RRP1B: variants seen among roughly 807,000 people sequenced by gnomAD.
The protein encoded by RRP1B is ribosomal RNA processing protein 1 homolog B.
A neutral mutation model predicts 80.2 loss-of-function variants in RRP1B; 56 were observed. The ratio of observed to expected loss-of-function variants is 0.70; its 90% CI spans 0.56 to 0.87. The LOEUF (loss-of-function observed/expected upper bound fraction) is 0.87, where lower values mean the gene tolerates loss of function less well. RRP1B is among the 40% of genes least tolerant of loss of function. The probability of loss-of-function intolerance (pLI) is 0.00; values close to 1 mark genes in which losing one functional copy is unlikely to be tolerated. For synonymous variants in RRP1B, 351 were observed against 357.6 expected (o/e 0.98, Z 0.21); for missense variants, 807 against 939.8 (o/e 0.86, Z 1.85).
intron 2 of RRP1B, 91 bp downstream of exon 2, chr21:43,670,057 A>T (rs762742840): frequency 9.2e-6 from 7 of 759,784 alleles, no homozygotes; most frequent in Non-Finnish European, 1.5e-5. Flanking sequence ...CCCCCGATAC[A>T]CTGACGCACA....
Position 43,695,260 on chromosome 21 carries a change from G to A in RRP1B, c.*1877G>A, listed in dbSNP as rs558649013. 4.0e-5 allele frequency: 6 copies of A among 151,880 alleles called. No homozygotes were observed. In the East Asian group the frequency reaches 7.7e-4, roughly 20 times the overall value. The allele number at this position is 151,880 out of a possible 1,614,324, so 9.4% of individuals were successfully genotyped here. ...TTAAAGATGGGTCATATAGCCAAAC[G>A]GGCCATATAATCCAACATTGTTGAG... On this transcript the variant is annotated 3_prime_UTR_variant, in exon 16 of 16. Transcript: ENST00000340648.
Position 43,659,652 on chromosome 21 carries a change from TCCAGC to T in RRP1B, c.-12_-8del. The T allele has an allele frequency of 6.7e-7, 1 of 1,496,456 alleles. No individual in the cohort carries two copies. The highest frequency in any genetic ancestry group is 8.9e-7 in the Non-Finnish European group (1 of 1,121,898). The allele number at this position is 1,496,456 out of a possible 1,614,324, so 92.7% of individuals were successfully genotyped here. On this transcript the variant is annotated 5_prime_UTR_variant, in exon 1 of 16. Coordinates refer to ENST00000340648, the MANE Select transcript of RRP1B (RefSeq NM_015056.3). This position sits in a 1 kb window ranked among gnomAD's most constrained non-coding sequence, Gnocchi z 4.2. Reference sequence around the variant, plus strand: ...CCGCGGGTTGCGCGGCCGGGGATGCTCCAGCGGGCGCGATGGCCCCCGCCATGCAG... The same window carrying T: ...CCGCGGGTTGCGCGGCCGGGGATGCTGGGCGCGATGGCCCCCGCCATGCAG...
At chr21:43,665,939 C>G (rs1482831066) in intron 1 of RRP1B, among the ~76,000 whole-genome samples, 1 of 152,202 alleles carries the variant, frequency 6.6e-6, no homozygotes, top group Non-Finnish European at 1.5e-5. Flanking sequence ...AGTGCAGGAG[C>G]ATTAACCAGC....
intron 5 of RRP1B, 137 bp downstream of exon 5, chr21:43,674,834 A>C: frequency 2.9e-6 from 3 of 1,027,394 alleles, no homozygotes; most frequent in Non-Finnish European, 4.4e-6. Context: ...ATCCAGTAGA[A>C]GGCATAAAAC....
chr21:43,675,263 C>T (rs1019661219), intron 6 of RRP1B, 100 bp downstream of exon 6: 16 of 1,123,184 alleles, frequency 1.4e-5, no homozygotes, highest in South Asian at 4.2e-5. Context: ...GCATGACCAG[C>T]GACTGTAGCA....
At chr21:43,667,760 G>A (rs375023533) in intron 1 of RRP1B, among the ~76,000 whole-genome samples, 1 of 152,122 alleles carries the variant, frequency 6.6e-6, no homozygotes, top group Admixed American at 6.6e-5. Flanking sequence ...CATTATCCAC[G>A]TGAGGATCCC....
At chr21:43,685,740 A>AT in intron 10 of RRP1B, 30 bp from the exon 11 acceptor site, 2 of 1,404,162 alleles carry the variant, frequency 1.4e-6, no homozygotes, top group Non-Finnish European at 1.9e-6. Flanking sequence ...TTATTTTTTT[A>AT]TTTTTTATTT....
chr21:43,695,133 T>TA lies in RRP1B; in HGVS notation c.*1751dup, dbSNP rs1238845582. On this transcript the variant is annotated 3_prime_UTR_variant, in exon 16 of 16. Coordinates refer to ENST00000340648, the MANE Select transcript of RRP1B (RefSeq NM_015056.3). ...ACATCCCATTCAGAACCAAAACTGA[T>TA]ACAGTGAAACAATTAAGGTGAGCAA... 1.3e-5 allele frequency: 2 copies of TA among 152,080 alleles called. No individual in the cohort carries two copies. Among genetic ancestry groups the TA allele is most frequent in the African/African-American group, 4.8e-5 (2 of 41,420 alleles). The allele number at this position is 152,080 out of a possible 1,614,324, so 9.4% of individuals were successfully genotyped here.
Position 43,693,508 on chromosome 21 carries a change from G to A in RRP1B, c.*125G>A. On this transcript the variant is annotated 3_prime_UTR_variant, in exon 16 of 16. Coordinates refer to ENST00000340648, the MANE Select transcript of RRP1B (RefSeq NM_015056.3). This position sits in a 1 kb window ranked among gnomAD's most constrained non-coding sequence, Gnocchi z 4.1. ...CCATAAGTTGTGTGCACGAGGTTCTGAGAGTGCCCGCAGGCTGCTGCGTCC... is the reference window on the plus strand; with the variant it reads ...CCATAAGTTGTGTGCACGAGGTTCTAAGAGTGCCCGCAGGCTGCTGCGTCC... 1.0e-6 allele frequency: 1 copy of A among 963,460 alleles called. No individual in the cohort carries two copies. The highest frequency in any genetic ancestry group is 1.5e-6 in the Non-Finnish European group (1 of 685,352). 59.7% of individuals were successfully genotyped at this position (963,460 alleles called of 1,614,324 possible). A position where few individuals can be genotyped will look rare whatever the true frequency, so the allele number is the denominator to read the frequency against.
At position 43,686,788 on chromosome 21, in the gene RRP1B, T is replaced by A. The variant is rs2083064837; in HGVS notation, c.1010-16T>A. The A allele has an allele frequency of 1.9e-6, 3 of 1,613,668 alleles. No individual in the cohort carries two copies. The East Asian group carries it at 6.7e-5, about 36-fold the overall frequency. On this transcript the variant is annotated splice_polypyrimidine_tract_variant and intron_variant, in intron 11 of 15. Transcript: ENST00000340648. Reference sequence around the variant, plus strand: ...AGCGCCTGGGGAAGCTAACAGTGTGTCACTCTGGCATCTAGGAAGCAGTAT... The same window carrying A: ...AGCGCCTGGGGAAGCTAACAGTGTGACACTCTGGCATCTAGGAAGCAGTAT...
Position 43,693,343 on chromosome 21 carries a change from C to A in RRP1B, c.2237C>A (p.Thr746Asn). The A allele has an allele frequency of 6.2e-7, 1 of 1,607,118 alleles. No individual in the cohort carries two copies. Among genetic ancestry groups the A allele is most frequent in the East Asian group, 2.2e-5 (1 of 44,688 alleles). ...SPLVAKKPLT[T>N]TPRRRPRAMD... is the part of the protein sequence containing the mutation. ...CTGGTGGCCAAGAAGCCCCTGACCA[C>A]CACACCAAGGAGAAGGCCCAGGGCT... The change falls in exon 16 of 16, where the codon ACC (threonine) becomes AAC (asparagine). Residue 746 changes from threonine (T) to asparagine (N), a missense_variant. Transcript: ENST00000340648. This position sits in a 1 kb window ranked among gnomAD's most constrained non-coding sequence, Gnocchi z 4.1.
chr21:43,680,382 AC>A (rs762635202), intron 8 of RRP1B, among the ~76,000 whole-genome samples: 32 of 148,098 alleles, frequency 2.2e-4, no homozygotes, highest in Non-Finnish European at 2.8e-4. Context: ...ACATGCTCAA[AC>A]CCTGTCTCTA....
intron 8 of RRP1B, among the ~76,000 whole-genome samples, chr21:43,680,563 C>CAA (rs1209021304): frequency 7.3e-6 from 1 of 137,358 alleles, no homozygotes. Flanking sequence ...GACGCCATCT[C>CAA]AAAAAAAAAA....
chr21:43,685,811 C>CT (rs1423275678), intron 11 of RRP1B, 22 bp downstream of exon 11: 1 of 1,590,940 alleles, frequency 6.3e-7, no homozygotes, highest in Admixed American at 1.7e-5. Context: ...CAAGAATCAT[C>CT]ATTCATGGTG....
At chr21:43,664,454 T>C (rs527793724) in intron 1 of RRP1B, among the ~76,000 whole-genome samples, 1 of 152,370 alleles carries the variant, frequency 6.6e-6, no homozygotes, top group East Asian at 1.9e-4. Context: ...CTTACAGTGT[T>C]TCACACGTCT....
rs766798880 is a variant in RRP1B at position 43,693,229 on chromosome 21, C to T, written c.2123C>T (p.Thr708Met). 9 of 1,613,976 alleles carry T rather than the reference C, an allele frequency of 5.6e-6. No homozygotes were observed. Among genetic ancestry groups the T allele is most frequent in the South Asian group, 2.2e-5 (2 of 91,078 alleles). The part of the protein sequence containing the change: ...KTDKSILVSP[T>M]GPSRVAFDPE... ...GACAAGAGTATCTTGGTCAGTCCCACGGGCCCTTCTCGAGTGGCCTTCGAC... is the reference window on the plus strand; with the variant it reads ...GACAAGAGTATCTTGGTCAGTCCCATGGGCCCTTCTCGAGTGGCCTTCGAC... The change falls in exon 16 of 16, where the codon ACG becomes ATG. Residue 708 changes from threonine (T) to methionine (M), a missense_variant. Coordinates refer to ENST00000340648, the MANE Select transcript of RRP1B (RefSeq NM_015056.3). This position sits in a 1 kb window ranked among gnomAD's most constrained non-coding sequence, Gnocchi z 4.1.
rs1196145501 is a variant in RRP1B at position 43,684,663 on chromosome 21, G to A, written c.989+13G>A. On this transcript the variant is annotated intron_variant, in intron 10 of 15. Transcript: ENST00000340648. ...AACTCATCAAGAAGTCAGTAACTGG[G>A]GAGAGGGTTCTGACATCATCATTCC... 4.4e-6 allele frequency: 7 copies of A among 1,601,692 alleles called. No individual in the cohort carries two copies. The African/African-American group carries it at 9.4e-5, about 21-fold the overall frequency.
intron 8 of RRP1B, among the ~76,000 whole-genome samples, chr21:43,678,046 G>A (rs1482292746): frequency 6.7e-6 from 1 of 149,678 alleles, no homozygotes; most frequent in Admixed American, 6.7e-5. Flanking sequence ...GGATCAAATG[G>A]TGGATCTACT....
At chr21:43,690,206 C>T in intron 13 of RRP1B, 82 bp from the exon 14 acceptor site, 1 of 1,518,264 alleles carries the variant, frequency 6.6e-7, no homozygotes, top group Non-Finnish European at 8.9e-7. Context: ...TGGGGCTCTG[C>T]CTTCCCCTCC....
Sources: gnomAD v4.1 joint callset for allele counts (sites outside exome capture counted in the v4.1 genomes callset) on GRCh38, gnomAD v4.1.1 for gene constraint, Gnocchi (gnomAD v3.1) non-coding constraint, MANE v1.5 for transcripts, NCBI Gene and HGNC (gene_info 2026-07-23, HGNC 2026-07-21) for gene names.